The following ELFN1 variants were observed in gnomAD, a reference collection of about 807,000 sequenced individuals.
ELFN1 encodes the protein protein ELFN1.
In ELFN1, 6 loss-of-function variants were observed where a neutral mutation model predicts 7.6. The ratio of observed to expected loss-of-function variants is 0.79; its 90% CI spans 0.43 to 1.56. ELFN1 has a LOEUF of 1.56. Among genes scored for constraint, ELFN1 ranks in the 40% most tolerant of loss-of-function variants. ELFN1 has a pLI of 0.01. For missense variants in ELFN1, 1,169 were observed against 1,232.2 expected, an observed-to-expected ratio of 0.95 and a Z score of 0.77; for synonymous variants, 657 against 588.1, an observed-to-expected ratio of 1.12 and a Z score of -1.70.
chr7:1,744,801 G>A lies in ELFN1; in HGVS notation c.205G>A (p.Glu69Lys), dbSNP rs1470765011. 2.6e-6 allele frequency: 4 copies of A among 1,559,278 alleles called. No individual in the cohort carries two copies. Among genetic ancestry groups the A allele is most frequent in the Non-Finnish European group, 3.5e-6 (4 of 1,151,012 alleles). The change falls in exon 4 of 4, where the codon GAG becomes AAG. Residue 69 changes from glutamate to lysine, a missense_variant. Glu to Lys is a moderately conservative substitution (Grantham distance 56). Coordinates refer to ENST00000424383, the MANE Select transcript of ELFN1 (RefSeq NM_001128636.4). ...CACCATCGTGGACCTGCGGCTCAAC[G>A]AGAACCGTATCCGCAGCGTGCAGTA... ...NSTIVDLRLNENRIRSVQYAS... is the reference protein window; with the variant it reads ...NSTIVDLRLNKNRIRSVQYAS...
intron 1 of ELFN1, among the ~76,000 whole-genome samples, chr7:1,679,118 AC>A (rs1330924548): frequency 1.3e-5 from 2 of 150,990 alleles, no homozygotes; most frequent in East Asian, 2.0e-4. Flanking sequence ...GCTAGAGCCC[AC>A]CCCCCACATA....
At chr7:1,719,599 T>A (rs963837405) in intron 3 of ELFN1, among the ~76,000 whole-genome samples, 1 of 152,148 alleles carries the variant, frequency 6.6e-6, no homozygotes, top group Non-Finnish European at 1.5e-5. Context: ...GGAGCCGAGT[T>A]TGGATGGGGC....
rs147550737 is a variant in ELFN1 at position 1,672,077 on chromosome 7, G to A, written c.-549+1723G>A. 7.9e-3 allele frequency among the ~76,000 whole-genome samples: 1,205 copies of A among 152,316 alleles called. 12 individuals carry two copies. The highest frequency in any genetic ancestry group is 0.027 in the African/African-American group (1,122 of 41,556). ...CCTCCTCCTCGGCCGCAGCAGGACT[G>A]CTGTGTGCGTATAATTCAGGATGAT... On this transcript the variant is annotated intron_variant, in intron 1 of 3. Transcript: ENST00000424383.
intron 3 of ELFN1, among the ~76,000 whole-genome samples, chr7:1,714,541 T>A (rs933638262): frequency 6.6e-6 from 1 of 152,192 alleles, no homozygotes; most frequent in Admixed American, 6.5e-5. Context: ...GAATTCATAA[T>A]CATAAAAATA....
intron 2 of ELFN1, among the ~76,000 whole-genome samples, chr7:1,697,576 C>T (rs113508371): frequency 0.027 from 4,109 of 152,320 alleles, 175 homozygotes; most frequent in African/African-American, 0.093. Context: ...CTCGTCCACG[C>T]ACCCAGGGGT....
At chr7:1,728,671 AC>A (rs1187686364) in intron 3 of ELFN1, among the ~76,000 whole-genome samples, 1 of 152,142 alleles carries the variant, frequency 6.6e-6, no homozygotes, top group African/African-American at 2.4e-5. Context: ...GCGTTTTCTC[AC>A]GTTCCCCCCT....
intron 2 of ELFN1, chr7:1,693,996 C>T: frequency 2.7e-6 from 1 of 369,638 alleles, no homozygotes; most frequent in Admixed American, 3.7e-5. Context: ...CCCTGTCTGG[C>T]CTGTCCGTGC....
chr7:1,692,012 T>C (rs1779175760), intron 2 of ELFN1: 1 of 152,204 alleles, frequency 6.6e-6, no homozygotes, highest in African/African-American at 2.4e-5. Flanking sequence ...GCAGTGGTGC[T>C]CACGTGCCCA....
intron 2 of ELFN1, among the ~76,000 whole-genome samples, chr7:1,697,180 G>A (rs1328776088): frequency 6.6e-6 from 1 of 152,226 alleles, no homozygotes; most frequent in Non-Finnish European, 1.5e-5. Flanking sequence ...GCAGGGCAGA[G>A]AGGAGCCCCC....
chr7:1,675,751 C>T (rs752012823), intron 1 of ELFN1, among the ~76,000 whole-genome samples: 36 of 152,310 alleles, frequency 2.4e-4, no homozygotes, highest in Non-Finnish European at 4.4e-4. Context: ...CCCGGAGGGA[C>T]GAGTCAAGGA....
chr7:1,676,789 C>A (rs1000425961), intron 1 of ELFN1, among the ~76,000 whole-genome samples: 2 of 152,184 alleles, frequency 1.3e-5, no homozygotes, highest in Non-Finnish European at 1.5e-5. Flanking sequence ...GAGAGGTGAG[C>A]GGGAGAGGCC....
chr7:1,745,441 C>T lies in ELFN1; in HGVS notation c.845C>T (p.Pro282Leu), dbSNP rs764841052. ...PGRSPPPPPPPEPSDMPCADD... is the reference protein window; with the variant it reads ...PGRSPPPPPPLEPSDMPCADD... ...CGCTCCCCGCCGCCCCCGCCTCCGCCGGAGCCCAGTGACATGCCCTGTGCC... is the reference window on the plus strand; with the variant it reads ...CGCTCCCCGCCGCCCCCGCCTCCGCTGGAGCCCAGTGACATGCCCTGTGCC... Residue 282 changes from proline (P) to leucine (L), a missense_variant, in exon 4 of 4, where the codon CCG becomes CTG. Pro to Leu is a moderately conservative substitution (Grantham distance 98). Around this residue, in one of 2 missense-constraint regions of ELFN1, gnomAD observed 914 missense variants for 872.6 expected, o/e 1.05. Transcript: ENST00000424383. 6.2e-5 allele frequency: 96 copies of T among 1,539,972 alleles called. No homozygotes were observed. The highest frequency in any genetic ancestry group is 1.9e-4 in the South Asian group (16 of 84,012).
At chr7:1,693,161 CAG>C (rs1346642687) in intron 2 of ELFN1, 2 of 361,484 alleles carry the variant, frequency 5.5e-6, no homozygotes, top group Non-Finnish European at 1.1e-5. Flanking sequence ...CCCTAGTGAC[CAG>C]ATGCTGGGTT....
chr7:1,745,429 C>T lies in ELFN1; in HGVS notation c.833C>T (p.Pro278Leu). ...GRSQPGRSPP[P>L]PPPPEPSDMP... Reference sequence around the variant, plus strand: ...TCACAGCCGGGCCGCTCCCCGCCGCCCCCGCCTCCGCCGGAGCCCAGTGAC... The same window carrying T: ...TCACAGCCGGGCCGCTCCCCGCCGCTCCCGCCTCCGCCGGAGCCCAGTGAC... The change falls in exon 4 of 4, where the codon CCC becomes CTC. Residue 278 changes from proline to leucine, a missense_variant. Pro to Leu is a moderately conservative substitution (Grantham distance 98, BLOSUM62 -3). Around this residue, in one of 2 missense-constraint regions of ELFN1, gnomAD observed 914 missense variants for 872.6 expected, o/e 1.05. Coordinates refer to ENST00000424383, the MANE Select transcript of ELFN1 (RefSeq NM_001128636.4). The T allele has an allele frequency of 6.5e-7, 1 of 1,539,556 alleles. No individual in the cohort carries two copies. The highest frequency in any genetic ancestry group is 8.7e-7 in the Non-Finnish European group (1 of 1,146,226).
At chr7:1,711,490 T>C (rs1779648643) in intron 3 of ELFN1, among the ~76,000 whole-genome samples, 1 of 144,278 alleles carries the variant, frequency 6.9e-6, no homozygotes, top group Non-Finnish European at 1.5e-5. Flanking sequence ...ACCCAGAAAA[T>C]ATAGAGACTT....
chr7:1,703,152 T>C (rs1463406399), intron 2 of ELFN1, among the ~76,000 whole-genome samples: 1 of 152,180 alleles, frequency 6.6e-6, no homozygotes, highest in Non-Finnish European at 1.5e-5. Flanking sequence ...ATACGGGAGG[T>C]TGAGCATTGG....
intron 2 of ELFN1, chr7:1,694,406 G>A (rs993995659): frequency 3.2e-5 from 5 of 154,580 alleles, no homozygotes; most frequent in African/African-American, 1.2e-4. Context: ...CAGTTGGCAG[G>A]GTTCCCATGG....
chr7:1,690,700 G>A (rs911821415), intron 2 of ELFN1, among the ~76,000 whole-genome samples: 2 of 150,432 alleles, frequency 1.3e-5, no homozygotes, highest in African/African-American at 4.9e-5. Flanking sequence ...AAGGATATAT[G>A]GATGATGAAT....
At chr7:1,707,387 A>G (rs1779556972) in intron 2 of ELFN1, among the ~76,000 whole-genome samples, 1 of 152,232 alleles carries the variant, frequency 6.6e-6, no homozygotes, top group African/African-American at 2.4e-5. Context: ...GCACTCCACA[A>G]GCATGCGTTC....
Sources: allele counts gnomAD v4.1 joint callset (sites outside exome capture counted in the v4.1 genomes callset), GRCh38; gene constraint gnomAD v4.1.1; regional missense constraint gnomAD v4.1.1; transcripts MANE v1.5; gene names NCBI Gene and HGNC (gene_info 2026-07-23, HGNC 2026-07-21).